Variants in B3GAT2 observed in about 807,000 individuals in gnomAD.
B3GAT2 encodes the protein galactosylgalactosylxylosylprotein 3-beta-glucuronosyltransferase 2.
B3GAT2 carries 26 observed loss-of-function variants against 27.8 expected under a neutral mutation model. That is an observed-to-expected ratio of 0.93 (90% CI 0.68 to 1.30). The LOEUF (loss-of-function observed/expected upper bound fraction) is 1.30, where lower values mean the gene tolerates loss of function less well. B3GAT2 is among the 50% of genes most tolerant of loss of function. B3GAT2 has a pLI of 0.00. For missense variants in B3GAT2, 458 were observed against 459.0 expected, an observed-to-expected ratio of 1.00 and a Z score of 0.02; for synonymous variants, 218 against 195.1, an observed-to-expected ratio of 1.12 and a Z score of -0.98.
chr6:70,856,972 C>G lies in B3GAT2; in HGVS notation c.*4691G>C. ...AAGAAGTGGCAAAGAAACAACTTTC[C>G]AAAGACTCCATCTTATCTCTGTATG... On this transcript the variant is annotated 3_prime_UTR_variant, in exon 4 of 4. Coordinates refer to ENST00000230053, the MANE Select transcript of B3GAT2 (RefSeq NM_080742.3). The G allele has an allele frequency of 6.2e-7, 1 of 1,613,936 alleles. No individual in the cohort carries two copies. Among genetic ancestry groups the G allele is most frequent in the Non-Finnish European group, 8.5e-7 (1 of 1,179,878 alleles).
At chr6:70,926,833 A>G (rs1290607938) in intron 1 of B3GAT2, among the ~76,000 whole-genome samples, 5 of 152,314 alleles carry the variant, frequency 3.3e-5, no homozygotes, top group Non-Finnish European at 7.3e-5. Flanking sequence ...GAACGCCACA[A>G]AGATACTCCT....
At position 70,857,264 on chromosome 6, in the gene B3GAT2, A is replaced by G; in HGVS notation, c.*4399T>C. On this transcript the variant is annotated 3_prime_UTR_variant, in exon 4 of 4. Coordinates refer to ENST00000230053, the MANE Select transcript of B3GAT2 (RefSeq NM_080742.3). ...TTAACAAGCTGTTCATAGATCACTAAATGTTGTTTCACAAGCTTATAGAAC... is the reference window on the plus strand; with the variant it reads ...TTAACAAGCTGTTCATAGATCACTAGATGTTGTTTCACAAGCTTATAGAAC... 2.9e-6 allele frequency: 1 copy of G among 341,852 alleles called. No homozygotes were observed. The highest frequency in any genetic ancestry group is 5.3e-6 in the Non-Finnish European group (1 of 190,226). The allele number at this position is 341,852 out of a possible 1,614,324, so 21.2% of individuals were successfully genotyped here.
At chr6:70,877,013 G>C (rs1250057081) in intron 2 of B3GAT2, among the ~76,000 whole-genome samples, 1 of 152,232 alleles carries the variant, frequency 6.6e-6, no homozygotes, top group Non-Finnish European at 1.5e-5. Flanking sequence ...GAGCAGCAAT[G>C]ATGGGTGACA....
At chr6:70,937,729 A>G (rs953442488) in intron 1 of B3GAT2, among the ~76,000 whole-genome samples, 2 of 152,046 alleles carry the variant, frequency 1.3e-5, no homozygotes, top group Non-Finnish European at 2.9e-5. Context: ...CTCTCAATAA[A>G]TTAGGTATTG....
At chr6:70,944,794 C>A (rs1238583498) in intron 1 of B3GAT2, among the ~76,000 whole-genome samples, 1 of 152,180 alleles carries the variant, frequency 6.6e-6, no homozygotes. Flanking sequence ...ACCCCTGACC[C>A]CCGAGCAGCC....
At chr6:70,873,361 C>A (rs1562215040) in intron 2 of B3GAT2, among the ~76,000 whole-genome samples, 1 of 143,350 alleles carries the variant, frequency 7.0e-6, no homozygotes, top group Non-Finnish European at 1.6e-5. Flanking sequence ...TTTTTCCTTC[C>A]AGTACTTTGA....
chr6:70,861,894 G>C lies in B3GAT2; in HGVS notation c.821C>G (p.Ser274Cys). ...RRGSQPGMQE[S>C]DFLKQITTVE... is the part of the protein sequence containing the mutation. ...TGTTGTTATCTGTTTGAGAAAGTCA[G>C]ATTCTTGCATCCCTGGCTGGGATCC... Residue 274 changes from serine (S) to cysteine (C), a missense_variant, in exon 3 of 4, where the codon TCT becomes TGT. By Grantham distance (112) the Ser-to-Cys change is moderately radical. Transcript: ENST00000230053. 6.2e-7 allele frequency: 1 copy of C among 1,613,828 alleles called. No homozygotes were observed. The highest frequency in any genetic ancestry group is 8.5e-7 in the Non-Finnish European group (1 of 1,179,934).
intron 2 of B3GAT2, among the ~76,000 whole-genome samples, chr6:70,869,440 G>T (rs1771900533): frequency 6.6e-6 from 1 of 152,120 alleles, no homozygotes; most frequent in Non-Finnish European, 1.5e-5. Context: ...TACAAAAAGG[G>T]CAGCCAGAAT....
chr6:70,905,962 G>A (rs141735052), intron 1 of B3GAT2, among the ~76,000 whole-genome samples: 209 of 152,020 alleles, frequency 1.4e-3, no homozygotes, highest in African/African-American at 4.8e-3. Context: ...GTATTGGATT[G>A]TTCAACTATT....
At chr6:70,897,064 C>T (rs1772399008) in intron 1 of B3GAT2, among the ~76,000 whole-genome samples, 2 of 152,142 alleles carry the variant, frequency 1.3e-5, no homozygotes, top group Non-Finnish European at 2.9e-5. Flanking sequence ...ACATCCTCAC[C>T]AACACTTGGT....
intron 2 of B3GAT2, among the ~76,000 whole-genome samples, chr6:70,884,411 C>A (rs988091407): frequency 6.6e-6 from 1 of 152,176 alleles, no homozygotes; most frequent in Non-Finnish European, 1.5e-5. Context: ...TGTTAAAATT[C>A]ATGAATTCAG....
At chr6:70,864,827 T>G (rs983724774) in intron 2 of B3GAT2, among the ~76,000 whole-genome samples, 2 of 152,196 alleles carry the variant, frequency 1.3e-5, no homozygotes, top group Non-Finnish European at 2.9e-5. Context: ...ATACTTCAAG[T>G]ATTATATCTT....
intron 2 of B3GAT2, among the ~76,000 whole-genome samples, chr6:70,885,146 C>T (rs1007172110): frequency 1.3e-5 from 2 of 152,090 alleles, no homozygotes; most frequent in Admixed American, 6.5e-5. Flanking sequence ...TTAGGAAAGT[C>T]GAGGTGGTGA....
chr6:70,875,094 A>G (rs1771993260), intron 2 of B3GAT2, among the ~76,000 whole-genome samples: 1 of 152,036 alleles, frequency 6.6e-6, no homozygotes, highest in Admixed American at 6.6e-5. Context: ...AAATTTTGCC[A>G]GTGTTCTCAC....
chr6:70,871,780 C>A (rs983495387), intron 2 of B3GAT2, among the ~76,000 whole-genome samples: 16 of 151,584 alleles, frequency 1.1e-4, no homozygotes, highest in Non-Finnish European at 1.9e-4. Context: ...TTTTTTATGG[C>A]AGAAGGTTAG....
intron 2 of B3GAT2, among the ~76,000 whole-genome samples, chr6:70,867,375 G>T (rs901052923): frequency 6.6e-6 from 1 of 151,726 alleles, no homozygotes; most frequent in Non-Finnish European, 1.5e-5. Flanking sequence ...GAAGATAAGT[G>T]AAATAAAAAC....
At chr6:70,938,957 C>A (rs1765341388) in intron 1 of B3GAT2, among the ~76,000 whole-genome samples, 1 of 151,724 alleles carries the variant, frequency 6.6e-6, no homozygotes, top group African/African-American at 2.4e-5. Flanking sequence ...TCAGAGTGAA[C>A]AGGCAACCTA....
At chr6:70,895,495 ATTTTTTTTTTTTTTTT>A (rs59066944) in intron 1 of B3GAT2, among the ~76,000 whole-genome samples, 1 of 76,612 alleles carries the variant, frequency 1.3e-5, no homozygotes, top group Non-Finnish European at 2.3e-5. Flanking sequence ...CAAAAAGGGG[ATTTTTTTTTTTTTTTT>A]TTTTTTTTTT....
chr6:70,944,418 A>C (rs1398077571), intron 1 of B3GAT2, among the ~76,000 whole-genome samples: 2 of 152,098 alleles, frequency 1.3e-5, no homozygotes, highest in African/African-American at 4.8e-5. Context: ...GCACCAGGAG[A>C]TTATATCCCA....
Sources: gnomAD v4.1 joint callset for allele counts (sites outside exome capture counted in the v4.1 genomes callset) on GRCh38, gnomAD v4.1.1 for gene constraint, MANE v1.5 for transcripts, NCBI Gene and HGNC (gene_info 2026-07-23, HGNC 2026-07-21) for gene names.